CACNA2D3: variants seen among roughly 807,000 people sequenced by gnomAD.
CACNA2D3 encodes voltage-dependent calcium channel subunit alpha-2/delta-3.
Under a neutral mutation model 160.6 loss-of-function variants are expected in CACNA2D3, and 60 were observed. The observed-to-expected ratio is 0.37, with a 90% CI of 0.30 to 0.46. The LOEUF (loss-of-function observed/expected upper bound fraction) is 0.46. Ranked by LOEUF, CACNA2D3 falls within the 20% of genes least tolerant of loss-of-function variation. CACNA2D3 has a pLI of 1.00. For synonymous variants in CACNA2D3, 558 were observed against 492.9 expected, an observed-to-expected ratio of 1.13 and a Z score of -1.75; for missense variants, 1,205 against 1,365.0, an observed-to-expected ratio of 0.88 and a Z score of 1.85.
intron 2 of CACNA2D3, among the ~76,000 whole-genome samples, chr3:54,139,245 C>T (rs1048285748): frequency 1.3e-5 from 2 of 152,210 alleles, no homozygotes; most frequent in African/African-American, 4.8e-5. Flanking sequence ...CCAGTGTGCC[C>T]CCATCCCACC....
intron 4 of CACNA2D3, among the ~76,000 whole-genome samples, chr3:54,470,547 T>C (rs1363396371): frequency 6.6e-6 from 1 of 152,190 alleles, no homozygotes; most frequent in Non-Finnish European, 1.5e-5. Flanking sequence ...AATAACCAGC[T>C]AGAATCATAA....
chr3:54,291,153 C>G (rs1487920834), intron 2 of CACNA2D3, among the ~76,000 whole-genome samples: 1 of 152,138 alleles, frequency 6.6e-6, no homozygotes, highest in African/African-American at 2.4e-5. Context: ...TTTTAACTAG[C>G]CTGTGGGTTA....
chr3:54,542,354 C>T (rs964657848), intron 5 of CACNA2D3, among the ~76,000 whole-genome samples: 2 of 151,952 alleles, frequency 1.3e-5, no homozygotes, highest in African/African-American at 2.4e-5. Flanking sequence ...GCCACCACAC[C>T]CAGCCTGAAA....
At chr3:54,603,169 G>A (rs574269542) in intron 9 of CACNA2D3, among the ~76,000 whole-genome samples, 2 of 152,322 alleles carry the variant, frequency 1.3e-5, no homozygotes, top group South Asian at 2.1e-4. Context: ...CAATTAGGAA[G>A]CTGGACTCAG....
chr3:54,532,977 T>C (rs768129806), intron 5 of CACNA2D3, among the ~76,000 whole-genome samples: 2 of 152,232 alleles, frequency 1.3e-5, no homozygotes, highest in Admixed American at 6.5e-5. Flanking sequence ...TTTTGACTTT[T>C]TGATAATGGC....
intron 3 of CACNA2D3, among the ~76,000 whole-genome samples, chr3:54,324,514 T>C (rs181133422): frequency 2.4e-3 from 367 of 152,274 alleles, no homozygotes; most frequent in Non-Finnish European, 2.8e-3. Context: ...ATGGTAGCAT[T>C]TCTTAACTAA....
intron 27 of CACNA2D3, among the ~76,000 whole-genome samples, chr3:54,919,575 C>T (rs966558014): frequency 6.6e-6 from 1 of 152,138 alleles, no homozygotes; most frequent in African/African-American, 2.4e-5. Flanking sequence ...GATTGATATC[C>T]TCAGGTGTGT....
intron 35 of CACNA2D3, among the ~76,000 whole-genome samples, chr3:55,021,326 T>TA (rs1367018336): frequency 6.6e-6 from 1 of 152,040 alleles, no homozygotes; most frequent in Non-Finnish European, 1.5e-5. Context: ...TTAAAAATGT[T>TA]ACTGTATTTG....
chr3:54,320,528 G>T lies in CACNA2D3; in HGVS notation c.291G>T (p.Glu97Asp). 1 of 1,565,938 alleles carries T rather than the reference G, an allele frequency of 6.4e-7. No individual in the cohort carries two copies. Among genetic ancestry groups the T allele is most frequent in the Non-Finnish European group, 8.7e-7 (1 of 1,154,882 alleles). The change falls in exon 3 of 38, where the codon GAG becomes GAT. Residue 97 changes from glutamate to aspartate, a missense_variant. Coordinates refer to ENST00000474759, the MANE Select transcript of CACNA2D3 (RefSeq NM_018398.3). ...AGAAGCTGGCAAAGAACATGGAAGA[G>T]ATGTTTCACAAGAAGTCTGAGGCCG... The part of the protein sequence containing the change: ...LVKKLAKNME[E>D]MFHKKSEAVR...
intron 4 of CACNA2D3, among the ~76,000 whole-genome samples, chr3:54,434,404 G>T (rs1700032242): frequency 6.6e-6 from 1 of 152,242 alleles, no homozygotes; most frequent in Non-Finnish European, 1.5e-5. Flanking sequence ...TTGTAAAGCA[G>T]AGCTAGCTAT....
chr3:54,894,106 C>T lies in CACNA2D3; in HGVS notation c.2247-2643C>T, dbSNP rs553719164. ...ACTCAATTACTCACTCAGAGTCACCCAGTTCTTCCCAGAATCTAGACCAGC... is the reference window on the plus strand; with the variant it reads ...ACTCAATTACTCACTCAGAGTCACCTAGTTCTTCCCAGAATCTAGACCAGC... On this transcript the variant is annotated intron_variant, in intron 25 of 37. Coordinates refer to ENST00000474759, the MANE Select transcript of CACNA2D3 (RefSeq NM_018398.3). 4.5e-4 allele frequency among the ~76,000 whole-genome samples: 68 copies of T among 152,250 alleles called. 4 individuals carry two copies. In the South Asian group the frequency reaches 0.014, roughly 31 times the overall value.
chr3:54,886,948 T>C (rs977942148), intron 23 of CACNA2D3, among the ~76,000 whole-genome samples: 5 of 148,738 alleles, frequency 3.4e-5, no homozygotes, highest in African/African-American at 5.0e-5. Flanking sequence ...TTTTTTTTTT[T>C]TGCCCCCAGT....
At chr3:54,799,992 A>G (rs1184033537) in intron 13 of CACNA2D3, among the ~76,000 whole-genome samples, 1 of 152,220 alleles carries the variant, frequency 6.6e-6, no homozygotes, top group Admixed American at 6.5e-5. Flanking sequence ...TCTCAGAGGA[A>G]TTACATGACA....
At position 54,899,881 on chromosome 3, in the gene CACNA2D3, T is replaced by C. The variant is rs1700286470; in HGVS notation, c.2449+13T>C. 6.4e-7 allele frequency: 1 copy of C among 1,570,918 alleles called. No individual in the cohort carries two copies. Among genetic ancestry groups the C allele is most frequent in the Non-Finnish European group, 8.7e-7 (1 of 1,151,498 alleles). ...CCTGTGGTGGCAGGTAAATAATTGATTGAATCCATGAAGACAAAGTAAGCA... is the reference window on the plus strand; with the variant it reads ...CCTGTGGTGGCAGGTAAATAATTGACTGAATCCATGAAGACAAAGTAAGCA... On this transcript the variant is annotated intron_variant, in intron 27 of 37. Coordinates refer to ENST00000474759, the MANE Select transcript of CACNA2D3 (RefSeq NM_018398.3).
intron 3 of CACNA2D3, among the ~76,000 whole-genome samples, chr3:54,369,953 A>G (rs920943967): frequency 4.6e-5 from 7 of 152,230 alleles, no homozygotes; most frequent in African/African-American, 1.7e-4. Context: ...TGTTTCTTCC[A>G]TATAGTAGAT....
chr3:54,386,603 C>A, intron 3 of CACNA2D3, 112 bp from the exon 4 acceptor site: 1 of 941,118 alleles, frequency 1.1e-6, no homozygotes, highest in Non-Finnish European at 1.6e-6. Context: ...GGCATCAGAT[C>A]ACAATGTATG....
intron 8 of CACNA2D3, among the ~76,000 whole-genome samples, chr3:54,571,486 T>G (rs1236938678): frequency 2.0e-5 from 3 of 152,056 alleles, no homozygotes; most frequent in Non-Finnish European, 4.4e-5. Context: ...CAATCTCCAG[T>G]TCTTTTTCTT....
At chr3:55,073,962 T>C (rs1390336387) in intron 37 of CACNA2D3, 103 bp downstream of exon 37, 2 of 1,144,810 alleles carry the variant, frequency 1.7e-6, no homozygotes, top group African/African-American at 3.1e-5. Flanking sequence ...CATGAGAAAA[T>C]AATCCCTTTC....
intron 2 of CACNA2D3, among the ~76,000 whole-genome samples, chr3:54,208,058 G>A (rs1484790459): frequency 2.6e-5 from 4 of 152,174 alleles, no homozygotes; most frequent in Admixed American, 2.0e-4. Context: ...AAATGGGTGA[G>A]TAGTGAGTGT....
Sources: allele counts gnomAD v4.1 joint callset (sites outside exome capture counted in the v4.1 genomes callset), GRCh38; gene constraint gnomAD v4.1.1; transcripts MANE v1.5; gene names NCBI Gene and HGNC (gene_info 2026-07-23, HGNC 2026-07-21).